The following WWOX variants were observed in gnomAD, a reference collection of about 807,000 sequenced individuals.
WWOX encodes WW domain containing oxidoreductase, also known as WW domain-containing oxidoreductase.
In WWOX, 69 loss-of-function variants were observed where a neutral mutation model predicts 46.2. That is an observed-to-expected ratio of 1.49 (90% CI 1.23 to 1.82). WWOX has a LOEUF of 1.82. Among genes scored for constraint, WWOX ranks in the 40% most tolerant of loss-of-function variants. WWOX has a pLI of 0.00. For synonymous variants in WWOX, 359 were observed against 202.6 expected (o/e 1.77, Z -6.56); for missense variants, 919 against 542.6 (o/e 1.69, Z -6.89).
intron 5 of WWOX, among the ~76,000 whole-genome samples, chr16:78,183,315 C>G (rs1253088103): frequency 3.3e-5 from 5 of 152,294 alleles, no homozygotes; most frequent in South Asian, 2.1e-4. Flanking sequence ...GGCCCAAGCT[C>G]AAGAATATTC....
chr16:79,189,566 G>T (rs1340948901), intron 8 of WWOX, among the ~76,000 whole-genome samples: 1 of 151,868 alleles, frequency 6.6e-6, no homozygotes, highest in African/African-American at 2.4e-5. Flanking sequence ...CTCTCAAAGT[G>T]CTAGGATTAC....
At chr16:78,804,612 GT>G (rs2050980232) in intron 8 of WWOX, among the ~76,000 whole-genome samples, 1 of 152,198 alleles carries the variant, frequency 6.6e-6, no homozygotes, top group Non-Finnish European at 1.5e-5. Context: ...AGCTCAAAAT[GT>G]TTTACATGTC....
chr16:78,826,180 C>A (rs2051651389), intron 8 of WWOX, among the ~76,000 whole-genome samples: 1 of 152,168 alleles, frequency 6.6e-6, no homozygotes, highest in African/African-American at 2.4e-5. Context: ...CATGGTGAAA[C>A]CCTGTCTCTA....
At chr16:78,544,584 G>C (rs781351767) in intron 8 of WWOX, among the ~76,000 whole-genome samples, 3 of 152,186 alleles carry the variant, frequency 2.0e-5, no homozygotes, top group African/African-American at 4.8e-5. Context: ...GTTAAAATGA[G>C]ATGATTGAAA....
chr16:78,968,816 T>C (rs1341595036), intron 8 of WWOX, among the ~76,000 whole-genome samples: 1 of 152,152 alleles, frequency 6.6e-6, no homozygotes, highest in Non-Finnish European at 1.5e-5. Context: ...TTATGTTCAA[T>C]TGGATTGGAT....
At chr16:78,853,972 A>G (rs189992751) in intron 8 of WWOX, among the ~76,000 whole-genome samples, 30 of 152,284 alleles carry the variant, frequency 2.0e-4, no homozygotes, top group Admixed American at 3.3e-4. Flanking sequence ...GAATTTCCAG[A>G]ATGTTCGATT....
At chr16:78,861,841 C>G (rs1250276891) in intron 8 of WWOX, among the ~76,000 whole-genome samples, 1 of 152,170 alleles carries the variant, frequency 6.6e-6, no homozygotes, top group Non-Finnish European at 1.5e-5. Context: ...ATTAAATACA[C>G]CATGTTTCCA....
At chr16:78,967,479 T>C (rs1467954708) in intron 8 of WWOX, among the ~76,000 whole-genome samples, 1 of 137,130 alleles carries the variant, frequency 7.3e-6, no homozygotes, top group Non-Finnish European at 1.5e-5. Flanking sequence ...TTTTTTTTTT[T>C]TTCCTGCTGA....
At chr16:78,163,060 G>T (rs774089132) in intron 4 of WWOX, among the ~76,000 whole-genome samples, 2 of 152,106 alleles carry the variant, frequency 1.3e-5, no homozygotes, top group Non-Finnish European at 1.5e-5. Context: ...TGAATAACTT[G>T]ATTAGACAGA....
At chr16:79,166,791 A>G (rs1477414553) in intron 8 of WWOX, among the ~76,000 whole-genome samples, 2 of 152,320 alleles carry the variant, frequency 1.3e-5, no homozygotes, top group East Asian at 1.9e-4. Context: ...TTTAGTATAT[A>G]TCTTGTTAAT....
intron 8 of WWOX, among the ~76,000 whole-genome samples, chr16:78,641,361 C>G (rs2046706129): frequency 6.6e-6 from 1 of 152,076 alleles, no homozygotes; most frequent in Non-Finnish European, 1.5e-5. Context: ...CCTGGAAGGA[C>G]ATACCCTTTA....
At chr16:78,909,760 C>A (rs1389827163) in intron 8 of WWOX, among the ~76,000 whole-genome samples, 1 of 152,130 alleles carries the variant, frequency 6.6e-6, no homozygotes, top group East Asian at 1.9e-4. Flanking sequence ...GGAGGTTGTT[C>A]CATGCGTCAA....
chr16:78,684,755 T>A (rs984173886), intron 8 of WWOX, among the ~76,000 whole-genome samples: 2 of 152,206 alleles, frequency 1.3e-5, no homozygotes, highest in African/African-American at 2.4e-5. Flanking sequence ...CATACTGAAC[T>A]ATGGAAGCAC....
At chr16:79,183,410 A>C (rs964787381) in intron 8 of WWOX, among the ~76,000 whole-genome samples, 12 of 152,230 alleles carry the variant, frequency 7.9e-5, no homozygotes, top group African/African-American at 2.9e-4. Context: ...AGCGCAGATG[A>C]CGTTCAGAAC....
At chr16:79,034,834 A>C (rs1397162010) in intron 8 of WWOX, among the ~76,000 whole-genome samples, 1 of 152,180 alleles carries the variant, frequency 6.6e-6, no homozygotes, top group East Asian at 1.9e-4. Flanking sequence ...CAGTCTCCCG[A>C]GTAGTGTATT....
intron 5 of WWOX, among the ~76,000 whole-genome samples, chr16:78,306,792 CCACT>C (rs1345916081): frequency 6.6e-6 from 1 of 151,872 alleles, no homozygotes; most frequent in Non-Finnish European, 1.5e-5. Flanking sequence ...CCCACAATCC[CCACT>C]GAGTCCCATT....
intron 5 of WWOX, among the ~76,000 whole-genome samples, chr16:78,327,543 C>G (rs186396304): frequency 5.9e-5 from 9 of 152,240 alleles, no homozygotes; most frequent in Admixed American, 3.3e-4. Flanking sequence ...CAAATCACAG[C>G]CCATCTCCTC....
intron 8 of WWOX, among the ~76,000 whole-genome samples, chr16:78,793,206 G>A (rs2050652328): frequency 6.6e-6 from 1 of 152,082 alleles, no homozygotes; most frequent in Non-Finnish European, 1.5e-5. Flanking sequence ...CCAAGTAACT[G>A]GGACCACAAT....
At chr16:79,017,429 C>CAAAAAAATAAA (rs2047438258) in intron 8 of WWOX, 1 of 39,120 alleles carries the variant, frequency 2.6e-5, no homozygotes, top group Non-Finnish European at 4.6e-5. Flanking sequence ...GAATCCATCT[C>CAAAAAAATAAA]AAAAAAAAAA....
Sources: allele counts gnomAD v4.1 joint callset (sites outside exome capture counted in the v4.1 genomes callset), GRCh38; gene constraint gnomAD v4.1.1; transcripts MANE v1.5; gene names NCBI Gene and HGNC (gene_info 2026-07-23, HGNC 2026-07-21).